The following DYNC2H1 variants were observed in gnomAD, a reference collection of about 807,000 sequenced individuals.
DYNC2H1 encodes cytoplasmic dynein 2 heavy chain 1.
Under a neutral mutation model 570.0 loss-of-function variants are expected in DYNC2H1, and 410 were observed. That is an observed-to-expected ratio of 0.72 (90% CI 0.66 to 0.78). The LOEUF (loss-of-function observed/expected upper bound fraction) is 0.78. Among genes scored for constraint, DYNC2H1 ranks in the 30% least tolerant of loss-of-function variants. The probability of loss-of-function intolerance (pLI) is 0.00; values close to 1 mark genes in which losing one functional copy is unlikely to be tolerated. For synonymous variants in DYNC2H1, 1,688 were observed against 1,677.6 expected, an observed-to-expected ratio of 1.01 and a Z score of -0.15; for missense variants, 4,865 against 5,046.4, an observed-to-expected ratio of 0.96 and a Z score of 1.09.
At chr11:103,388,207 G>A (rs551986738) in intron 83 of DYNC2H1, among the ~76,000 whole-genome samples, 23 of 126,350 alleles carry the variant, frequency 1.8e-4, no homozygotes, top group African/African-American at 6.6e-4. Flanking sequence ...TCTCCTTGAA[G>A]AGGTCCTTCA....
At chr11:103,438,546 C>A (rs939854616) in intron 85 of DYNC2H1, among the ~76,000 whole-genome samples, 9 of 152,000 alleles carry the variant, frequency 5.9e-5, no homozygotes, top group Non-Finnish European at 1.0e-4. Context: ...CCAGATCCAG[C>A]TATAGTTTAA....
chr11:103,256,142 A>G lies in DYNC2H1; in HGVS notation c.10363A>G (p.Lys3455Glu), dbSNP rs1245860579. 2.5e-6 allele frequency: 4 copies of G among 1,608,106 alleles called. No individual in the cohort carries two copies. The highest frequency in any genetic ancestry group is 2.2e-5 in the South Asian group (2 of 90,158). Residue 3455 changes from lysine to glutamate, a missense_variant, in exon 68 of 89, where the codon AAG becomes GAG. Lys to Glu is a moderately conservative substitution (Grantham distance 56). Transcript: ENST00000375735. The surrounding 1 kb of genome is among the most constrained non-coding windows in gnomAD (Gnocchi z 4.0). ...ATCTCAAGGCAATATTTTGGAAAAT[A>G]AGGATTTGATTGAGTCTTTGAATCA... ...ATSQGNILEN[K>E]DLIESLNQTK...
intron 44 of DYNC2H1, 69 bp downstream of exon 44, chr11:103,188,717 G>A: frequency 8.2e-7 from 1 of 1,226,108 alleles, no homozygotes; most frequent in Non-Finnish European, 1.1e-6. Flanking sequence ...TTTATTTAAA[G>A]TATTTATGAT....
chr11:103,109,768 C>A lies in DYNC2H1; in HGVS notation c.194C>A (p.Thr65Lys). The A allele has an allele frequency of 6.2e-7, 1 of 1,611,732 alleles. No individual in the cohort carries two copies. Residue 65 changes from threonine to lysine, a missense_variant and splice_region_variant, in exon 1 of 89, where the codon ACG becomes AAG. Physicochemically the swap from Thr to Lys is moderately conservative, Grantham distance 78 (BLOSUM62 -1). This residue lies in a region of DYNC2H1 where 1,936 missense variants were observed against 1,962.1 expected (regional missense o/e 0.99). Coordinates refer to ENST00000375735, the MANE Select transcript of DYNC2H1 (RefSeq NM_001377.3). ...RSDAGISFSNTIEFGDTKDKV... is the reference protein window; with the variant it reads ...RSDAGISFSNKIEFGDTKDKV... ...GACGCAGGAATCTCCTTTTCCAACA[C>A]GGTACGGTTCCTTGCACTCCTGCCT...
rs1944041369 is a variant in DYNC2H1 at position 103,435,855 on chromosome 11, A to G, written c.12367-88A>G. 3.0e-6 allele frequency: 4 copies of G among 1,355,844 alleles called. No homozygotes were observed. In the Admixed American group the frequency reaches 7.9e-5, roughly 27 times the overall value. The allele number at this position is 1,355,844 out of a possible 1,614,324, so 84.0% of individuals were successfully genotyped here. A position where few individuals can be genotyped will look rare whatever the true frequency, so the allele number is the denominator to read the frequency against. On this transcript the variant is annotated intron_variant, in intron 84 of 88. Transcript: ENST00000375735. ...TCATATGTATATGTGAATTATGCCA[A>G]AATTTTTCTCCATCACACTAGTGTT... is the stretch of plus-strand genomic sequence containing the variant.
rs115273161 is a variant in DYNC2H1 at position 103,191,633 on chromosome 11, G to T, written c.7540+14G>T. ...ATTTAGAAGGAGGTGAGTTTTGCTA[G>T]TGTGTATCTTGTGTGTGTGTGTGTG... On this transcript the variant is annotated intron_variant, in intron 46 of 88. Coordinates refer to ENST00000375735, the MANE Select transcript of DYNC2H1 (RefSeq NM_001377.3). 299 of 1,548,626 alleles carry T rather than the reference G, an allele frequency of 1.9e-4. 2 individuals carry two copies. In the East Asian group the frequency reaches 5.9e-3, roughly 30 times the overall value.
intron 17 of DYNC2H1, among the ~76,000 whole-genome samples, chr11:103,140,745 T>C (rs1490777248): frequency 6.6e-6 from 1 of 152,222 alleles, no homozygotes; most frequent in Non-Finnish European, 1.5e-5. Flanking sequence ...AATCTGAATG[T>C]TGGCCTGCCT....
intron 75 of DYNC2H1, among the ~76,000 whole-genome samples, chr11:103,293,981 G>A (rs61898241): frequency 0.12 from 18,684 of 152,058 alleles, 1,456 homozygotes; most frequent in Admixed American, 0.24. Context: ...GGAGGCTGAG[G>A]CAGGAGAATT....
intron 83 of DYNC2H1, among the ~76,000 whole-genome samples, chr11:103,397,287 A>G (rs1023375631): frequency 2.0e-5 from 3 of 152,034 alleles, no homozygotes; most frequent in African/African-American, 7.3e-5. Context: ...AAAATATACA[A>G]TTCAATCAAT....
chr11:103,271,759 A>T (rs530216686), intron 70 of DYNC2H1, among the ~76,000 whole-genome samples: 1 of 152,370 alleles, frequency 6.6e-6, no homozygotes, highest in South Asian at 2.1e-4. Context: ...ACAGCTAATA[A>T]TCTTTAACTT....
Position 103,334,492 on chromosome 11 carries a change from G to GT in DYNC2H1, c.12039+10510dup, listed in dbSNP as rs34503483. 0.044 allele frequency among the ~76,000 whole-genome samples: 6,739 copies of GT among 151,960 alleles called. 311 individuals are homozygous for GT. Among genetic ancestry groups the GT allele is most frequent in the East Asian group, 0.19 (986 of 5,172 alleles). On this transcript the variant is annotated intron_variant, in intron 82 of 88. Transcript: ENST00000375735. This position sits in a 1 kb window ranked among gnomAD's most constrained non-coding sequence, Gnocchi z 4.3. The stretch of plus-strand genomic sequence containing the variant: ...CATTCTAACAATTCCATGTAATGAA[G>GT]TTTTTTTTAATTACAAAAACCATTT...
At position 103,174,143 on chromosome 11, in the gene DYNC2H1, C is replaced by G. The variant is rs1250788398; in HGVS notation, c.5647C>G (p.Leu1883Val). The change falls in exon 36 of 89, where the codon CTA becomes GTA. Residue 1883 changes from leucine to valine, a missense_variant. Transcript: ENST00000375735. ...LRGSGNLLRQ[L>V]NKSGTTQNAN... The stretch of plus-strand genomic sequence containing the variant: ...AGGAAGTGGAAATCTCCTTAGACAG[C>G]TAAACAAAAGTGGCACTACACAGAA... 6.3e-7 allele frequency: 1 copy of G among 1,581,832 alleles called. No homozygotes were observed. The highest frequency in any genetic ancestry group is 8.6e-7 in the Non-Finnish European group (1 of 1,162,436).
At position 103,157,547 on chromosome 11, in the gene DYNC2H1, A is replaced by G. The variant is rs1860892402; in HGVS notation, c.4127+777A>G. On this transcript the variant is annotated intron_variant, in intron 26 of 88. Transcript: ENST00000375735. This position sits in a 1 kb window ranked among gnomAD's most constrained non-coding sequence, Gnocchi z 4.2. ...TCCCTCTTCCTCCACTTTTACATAC[A>G]TTAAGTTGCCAAATTTTGTTGATTC... Among the ~76,000 whole-genome samples the G allele has an allele frequency of 6.6e-6, 1 of 152,220 alleles. No individual in the cohort carries two copies. The highest frequency in any genetic ancestry group is 2.4e-5 in the African/African-American group (1 of 41,452).
intron 17 of DYNC2H1, among the ~76,000 whole-genome samples, chr11:103,141,105 A>G (rs889667466): frequency 1.3e-5 from 2 of 151,978 alleles, no homozygotes; most frequent in Admixed American, 6.6e-5. Flanking sequence ...TTATACATTC[A>G]TCTAAATTTT....
At chr11:103,115,322 T>C (rs1858331103) in intron 4 of DYNC2H1, 27 bp downstream of exon 4, 1 of 1,459,624 alleles carries the variant, frequency 6.9e-7, no homozygotes, top group Non-Finnish European at 9.3e-7. Context: ...TGGTGATATA[T>C]TGGGCTTCTT....
intron 82 of DYNC2H1, among the ~76,000 whole-genome samples, chr11:103,347,322 CAA>C (rs3858422): frequency 0.22 from 32,935 of 151,956 alleles, 3,693 homozygotes; most frequent in Admixed American, 0.31. Flanking sequence ...TCAATTAAAA[CAA>C]ATTTTGAGAC....
Position 103,280,499 on chromosome 11 carries a change from G to T in DYNC2H1, c.10761+86G>T. On this transcript the variant is annotated intron_variant, in intron 71 of 88. Coordinates refer to ENST00000375735, the MANE Select transcript of DYNC2H1 (RefSeq NM_001377.3). This position sits in a 1 kb window ranked among gnomAD's most constrained non-coding sequence, Gnocchi z 4.7. ...TTATGTTTAGATTAGAAATTATTTAGGCTAGAAATTATATATCAACCTATT... is the reference window on the plus strand; with the variant it reads ...TTATGTTTAGATTAGAAATTATTTATGCTAGAAATTATATATCAACCTATT... 8.4e-7 allele frequency: 1 copy of T among 1,190,686 alleles called. No individual in the cohort carries two copies. The highest frequency in any genetic ancestry group is 2.0e-5 in the Admixed American group (1 of 49,186). 73.8% of individuals were successfully genotyped at this position (1,190,686 alleles called of 1,614,324 possible). A position where few individuals can be genotyped will look rare whatever the true frequency, so the allele number is the denominator to read the frequency against.
rs745760561 is a variant in DYNC2H1, at chr11:103,122,918, C to T, written c.1579C>T (p.Leu527Phe). The change falls in exon 11 of 89, where the codon CTT (leucine) becomes TTT (phenylalanine). Residue 527 changes from leucine to phenylalanine, a missense_variant. Around this residue, in one of 5 missense-constraint regions of DYNC2H1, gnomAD observed 1,936 missense variants for 1,962.1 expected, o/e 0.99. Transcript: ENST00000375735. Reference protein sequence around the residue: ...HQSAKDLLDQLKLYEQEQFDD... With the variant: ...HQSAKDLLDQFKLYEQEQFDD... ...AAGTGCCAAAGATCTCTTAGACCAG[C>T]TTAAACTATATGAACAGGAACAATT... 3.1e-6 allele frequency: 5 copies of T among 1,612,224 alleles called. No homozygotes were observed. The South Asian group carries it at 5.5e-5, about 18-fold the overall frequency.
intron 84 of DYNC2H1, chr11:103,404,660 A>T (rs531061299): frequency 6.6e-6 from 1 of 151,404 alleles, no homozygotes; most frequent in Non-Finnish European, 1.5e-5. Flanking sequence ...AATAAGGGGA[A>T]TCAGTGGACA....
Sources: allele counts gnomAD v4.1 joint callset (sites outside exome capture counted in the v4.1 genomes callset), GRCh38; gene constraint gnomAD v4.1.1; regional missense constraint gnomAD v4.1.1; non-coding constraint Gnocchi (gnomAD v3.1); transcripts MANE v1.5; gene names NCBI Gene and HGNC (gene_info 2026-07-23, HGNC 2026-07-21).